ERGIC1: variants seen among roughly 807,000 people sequenced by gnomAD.
The protein encoded by ERGIC1 is endoplasmic reticulum-golgi intermediate compartment 1.
In ERGIC1, 19 loss-of-function variants were observed where a neutral mutation model predicts 38.3. The observed-to-expected ratio is 0.50, with a 90% CI of 0.35 to 0.73. The LOEUF is 0.73. Ranked by LOEUF, ERGIC1 falls within the 30% of genes least tolerant of loss-of-function variation. ERGIC1 has a pLI of 0.01. For synonymous variants in ERGIC1, 124 were observed against 157.6 expected, an observed-to-expected ratio of 0.79 and a Z score of 1.60; for missense variants, 294 against 389.2, an observed-to-expected ratio of 0.76 and a Z score of 2.06.
At chr5:172,863,484 G>C (rs1171804731) in intron 1 of ERGIC1, among the ~76,000 whole-genome samples, 1 of 152,154 alleles carries the variant, frequency 6.6e-6, no homozygotes, top group East Asian at 1.9e-4. Context: ...TGACGGCCAG[G>C]AGACAAAGGA....
At chr5:172,900,466 A>C (rs1400604632) in intron 3 of ERGIC1, among the ~76,000 whole-genome samples, 1 of 152,102 alleles carries the variant, frequency 6.6e-6, no homozygotes, top group Non-Finnish European at 1.5e-5. Flanking sequence ...CAGCACTTTG[A>C]AAAGCCAAGG....
intron 9 of ERGIC1, among the ~76,000 whole-genome samples, chr5:172,942,745 C>T (rs1412386418): frequency 6.6e-6 from 1 of 152,198 alleles, no homozygotes; most frequent in Non-Finnish European, 1.5e-5. Flanking sequence ...CCTCCTGGCG[C>T]GTGCGTTCCC....
At chr5:172,877,355 T>C (rs974406883) in intron 1 of ERGIC1, among the ~76,000 whole-genome samples, 8 of 151,726 alleles carry the variant, frequency 5.3e-5, no homozygotes, top group African/African-American at 1.9e-4. Context: ...CAGCAGTATT[T>C]TCAGTATATG....
intron 1 of ERGIC1, among the ~76,000 whole-genome samples, chr5:172,839,637 G>A (rs772331211): frequency 1.3e-5 from 2 of 151,830 alleles, no homozygotes; most frequent in African/African-American, 2.4e-5. Context: ...AAAAATCAGG[G>A]CAAAAAGAAA....
chr5:172,932,936 G>A (rs1763810442), intron 8 of ERGIC1: 1 of 183,580 alleles, frequency 5.4e-6, no homozygotes, highest in African/African-American at 2.4e-5. Flanking sequence ...AAACTCATGA[G>A]GCTACTGAGT....
rs980364627 is a variant in ERGIC1, at chr5:172,834,924, C to A, written c.20+491C>A. Among the ~76,000 whole-genome samples the A allele has an allele frequency of 1.3e-5, 2 of 152,194 alleles. No homozygotes were observed. Among genetic ancestry groups the A allele is most frequent in the South Asian group, 2.1e-4 (1 of 4,834 alleles). ...AAGTTTCTATAGCCTGAGGCTCCCC[C>A]AGGCCGGGCAGATCGGGAGGCCTGC... On this transcript the variant is annotated intron_variant, in intron 1 of 9. Transcript: ENST00000393784. The surrounding 1 kb of genome is among the most constrained non-coding windows in gnomAD (Gnocchi z 4.1).
rs1763868367 is a variant in ERGIC1 at position 172,935,366 on chromosome 5, T to TG, written c.765+59dup. 5 of 1,608,842 alleles carry TG rather than the reference T, an allele frequency of 3.1e-6. No individual in the cohort carries two copies. The Admixed American group carries it at 8.3e-5, about 27-fold the overall frequency. ...TGAGCCAGCCACCCTGCGCCTGCTCTGGGCCCCTTTCCTTGGCACCCCTCA... is the reference window on the plus strand; with the variant it reads ...TGAGCCAGCCACCCTGCGCCTGCTCTGGGGCCCCTTTCCTTGGCACCCCTCA... On this transcript the variant is annotated intron_variant, in intron 9 of 9. Transcript: ENST00000393784.
At chr5:172,869,500 C>T (rs1032359015) in intron 1 of ERGIC1, among the ~76,000 whole-genome samples, 7 of 152,146 alleles carry the variant, frequency 4.6e-5, no homozygotes, top group Admixed American at 2.0e-4. Context: ...CCAGACCCCT[C>T]GGCTGGGCTC....
intron 5 of ERGIC1, chr5:172,915,434 C>A: frequency 4.9e-6 from 2 of 408,998 alleles, no homozygotes; most frequent in South Asian, 3.8e-5. Context: ...GGAATAAAGC[C>A]AAGGGGAGTG....
chr5:172,905,418 T>C (rs781520075), intron 3 of ERGIC1: 58 of 466,728 alleles, frequency 1.2e-4, no homozygotes, highest in South Asian at 9.0e-4. Flanking sequence ...GTCTTTGTTC[T>C]TAGACCTGGG....
At position 172,924,132 on chromosome 5, in the gene ERGIC1, G is replaced by A. The variant is rs370443963; in HGVS notation, c.480+23G>A. On this transcript the variant is annotated intron_variant, in intron 6 of 9. Coordinates refer to ENST00000393784, the MANE Select transcript of ERGIC1 (RefSeq NM_001031711.3). The stretch of plus-strand genomic sequence containing the variant: ...CAGGTGAGCAGGGGACACTCGAGAT[G>A]GCATGGCCGGGGGTGGGCCTTCAGG... 2.7e-5 allele frequency: 43 copies of A among 1,609,974 alleles called. No homozygotes were observed. The Middle Eastern group carries it at 8.3e-4, about 31-fold the overall frequency.
intron 1 of ERGIC1, among the ~76,000 whole-genome samples, chr5:172,856,912 T>C (rs1761562605): frequency 6.6e-6 from 1 of 152,196 alleles, no homozygotes; most frequent in Non-Finnish European, 1.5e-5. Context: ...TGAAACGTAA[T>C]TAAGCCGTGC....
intron 1 of ERGIC1, among the ~76,000 whole-genome samples, chr5:172,844,193 G>A (rs921360794): frequency 6.6e-6 from 1 of 152,158 alleles, no homozygotes. Context: ...CTGTGGTAAG[G>A]GAGAAAGTGG....
At chr5:172,866,228 G>A (rs1290739879) in intron 1 of ERGIC1, among the ~76,000 whole-genome samples, 1 of 152,224 alleles carries the variant, frequency 6.6e-6, no homozygotes, top group Non-Finnish European at 1.5e-5. Flanking sequence ...GCCAACTGGG[G>A]AGAGGCAGGA....
Position 172,950,841 on chromosome 5 carries a change from G to A in ERGIC1, c.*25G>A, listed in dbSNP as rs770351338. ...ACGCCACACCCAGCCTAATGGCCGA[G>A]GACCCTGGGCATCGCCAGCCTTGCC... On this transcript the variant is annotated 3_prime_UTR_variant, in exon 10 of 10. Transcript: ENST00000393784. 5.0e-6 allele frequency: 8 copies of A among 1,589,956 alleles called. No homozygotes were observed. Among genetic ancestry groups the A allele is most frequent in the Non-Finnish European group, 5.2e-6 (6 of 1,162,472 alleles).
At chr5:172,944,547 C>T (rs753599594) in intron 9 of ERGIC1, among the ~76,000 whole-genome samples, 31 of 152,196 alleles carry the variant, frequency 2.0e-4, no homozygotes, top group Admixed American at 3.9e-4. Flanking sequence ...TTAGTAGAGA[C>T]AGGGTTTCGC....
chr5:172,894,079 ATTTTTTTCTT>A (rs1263850326), intron 2 of ERGIC1, among the ~76,000 whole-genome samples: 9 of 51,416 alleles, frequency 1.8e-4, no homozygotes, highest in Non-Finnish European at 3.2e-4. Context: ...ATTGTTAACT[ATTTTTTTCTT>A]TAAAAAATTT....
At chr5:172,943,305 C>T (rs192387631) in intron 9 of ERGIC1, among the ~76,000 whole-genome samples, 185 of 152,124 alleles carry the variant, frequency 1.2e-3, no homozygotes, top group African/African-American at 3.9e-3. Context: ...CCCAGGCCCC[C>T]GGAGCTCTGG....
At chr5:172,866,944 G>A in intron 1 of ERGIC1, 1 of 337,854 alleles carries the variant, frequency 3.0e-6, no homozygotes, top group Non-Finnish European at 5.9e-6. Context: ...CAGAACAGGT[G>A]CTGAATGAAT....
Sources: allele counts gnomAD v4.1 joint callset (sites outside exome capture counted in the v4.1 genomes callset), GRCh38; gene constraint gnomAD v4.1.1; non-coding constraint Gnocchi (gnomAD v3.1); transcripts MANE v1.5; gene names NCBI Gene and HGNC (gene_info 2026-07-23, HGNC 2026-07-21).